Variants in KIAA1217 observed in about 807,000 individuals in gnomAD.
KIAA1217 encodes sickle tail protein homolog.
KIAA1217 carries 88 observed loss-of-function variants against 163.9 expected under a neutral mutation model. The observed-to-expected ratio is 0.54, with a 90% CI of 0.45 to 0.64. KIAA1217 has a LOEUF of 0.64. Ranked by LOEUF, KIAA1217 falls within the 30% of genes least tolerant of loss-of-function variation. KIAA1217 has a pLI of 0.00. For missense variants in KIAA1217, 2,372 were observed against 2,475.0 expected, an observed-to-expected ratio of 0.96 and a Z score of 0.88; for synonymous variants, 903 against 923.1, an observed-to-expected ratio of 0.98 and a Z score of 0.39.
At chr10:23,814,874 T>C (rs1478786676) in intron 1 of KIAA1217, among the ~76,000 whole-genome samples, 2 of 152,098 alleles carry the variant, frequency 1.3e-5, no homozygotes, top group African/African-American at 4.8e-5. Flanking sequence ...GGATGAAGTG[T>C]GAAAGATCCA....
intron 2 of KIAA1217, among the ~76,000 whole-genome samples, chr10:24,270,159 G>A (rs1350036806): frequency 1.3e-5 from 2 of 152,204 alleles, no homozygotes; most frequent in African/African-American, 4.8e-5. Context: ...TTTCAAAACA[G>A]AATAATTGAT....
chr10:24,499,310 T>C (rs577644325), intron 8 of KIAA1217, among the ~76,000 whole-genome samples: 49 of 152,368 alleles, frequency 3.2e-4, no homozygotes, highest in Non-Finnish European at 5.7e-4. Context: ...AGTTGGAGAA[T>C]ATCCTTTTGA....
At chr10:24,039,742 A>G (rs971151171) in intron 2 of KIAA1217, among the ~76,000 whole-genome samples, 7 of 152,166 alleles carry the variant, frequency 4.6e-5, no homozygotes, top group African/African-American at 1.7e-4. Flanking sequence ...GAATATATAT[A>G]CATATTTATA....
At chr10:24,203,105 G>C (rs1269219328) in intron 2 of KIAA1217, among the ~76,000 whole-genome samples, 3 of 151,100 alleles carry the variant, frequency 2.0e-5, no homozygotes, top group African/African-American at 2.4e-5. Context: ...GTAGAGGATT[G>C]ATTGAGCCCA....
chr10:23,995,896 T>G (rs945306716), intron 1 of KIAA1217, among the ~76,000 whole-genome samples: 3 of 152,158 alleles, frequency 2.0e-5, no homozygotes, highest in Non-Finnish European at 4.4e-5. Flanking sequence ...TGGTCCCCAG[T>G]CTATTCTTGA....
intron 1 of KIAA1217, among the ~76,000 whole-genome samples, chr10:23,790,494 TAC>T (rs1181963599): frequency 9.1e-6 from 1 of 109,794 alleles, no homozygotes; most frequent in African/African-American, 4.4e-5. Context: ...TATACATATA[TAC>T]ATGTGCATAT....
chr10:23,861,507 G>A (rs1436992812), intron 1 of KIAA1217, among the ~76,000 whole-genome samples: 2 of 152,068 alleles, frequency 1.3e-5, no homozygotes, highest in African/African-American at 2.4e-5. Flanking sequence ...TAAAATGGAG[G>A]GATTATCCTG....
chr10:24,366,593 G>T (rs564657698), intron 2 of KIAA1217, among the ~76,000 whole-genome samples: 1 of 152,334 alleles, frequency 6.6e-6, no homozygotes, highest in East Asian at 1.9e-4. Flanking sequence ...GAATTACAGT[G>T]TGGATCTTCT....
chr10:24,267,498 A>C (rs2076346742), intron 2 of KIAA1217, among the ~76,000 whole-genome samples: 1 of 152,196 alleles, frequency 6.6e-6, no homozygotes, highest in Admixed American at 6.5e-5. Context: ...ATATCTGTAG[A>C]GATGGGATCT....
chr10:24,172,299 C>T (rs2065668211), intron 2 of KIAA1217, among the ~76,000 whole-genome samples: 1 of 152,150 alleles, frequency 6.6e-6, no homozygotes, highest in Non-Finnish European at 1.5e-5. Context: ...AACCATTTTC[C>T]TATGACCACT....
intron 1 of KIAA1217, among the ~76,000 whole-genome samples, chr10:23,964,279 C>T (rs566151624): frequency 2.0e-5 from 3 of 149,444 alleles, no homozygotes; most frequent in South Asian, 4.2e-4. Context: ...CTTTTGCCCA[C>T]TTTTTGATGG....
chr10:23,898,537 A>G (rs1168223833), intron 1 of KIAA1217, among the ~76,000 whole-genome samples: 1 of 152,030 alleles, frequency 6.6e-6, no homozygotes, highest in Non-Finnish European at 1.5e-5. Flanking sequence ...AAAAAATGTC[A>G]TTATACTTTG....
At chr10:24,239,475 TA>T (rs2072750216) in intron 2 of KIAA1217, 1 of 184,890 alleles carries the variant, frequency 5.4e-6, no homozygotes, top group South Asian at 1.8e-4. Context: ...ATGTTCGTGC[TA>T]AAGGGCTGTT....
intron 10 of KIAA1217, among the ~76,000 whole-genome samples, chr10:24,519,477 C>A (rs2070746766): frequency 6.6e-6 from 1 of 152,068 alleles, no homozygotes; most frequent in Non-Finnish European, 1.5e-5. Flanking sequence ...CAGAGGTTCT[C>A]ATTTAGGGGC....
intron 2 of KIAA1217, among the ~76,000 whole-genome samples, chr10:24,025,460 G>T (rs189142289): frequency 6.6e-6 from 1 of 151,418 alleles, no homozygotes; most frequent in Non-Finnish European, 1.5e-5. Flanking sequence ...TTCCACTTTC[G>T]TTCTTTCTTT....
chr10:24,072,327 C>A (rs1234826368), intron 2 of KIAA1217, among the ~76,000 whole-genome samples: 1 of 152,156 alleles, frequency 6.6e-6, no homozygotes. Context: ...CCACACCCAT[C>A]TATTCTATTT....
At chr10:24,446,860 A>G (rs2060976030) in intron 5 of KIAA1217, among the ~76,000 whole-genome samples, 1 of 152,214 alleles carries the variant, frequency 6.6e-6, no homozygotes, top group Non-Finnish European at 1.5e-5. Flanking sequence ...ACCCAGCTAA[A>G]GAGAAGTGGA....
rs2075231104 is a variant in KIAA1217, at chr10:24,542,443, C to G, written c.3535-250C>G. 3 of 1,199,424 alleles carry G rather than the reference C, an allele frequency of 2.5e-6. No homozygotes were observed. The African/African-American group carries it at 4.6e-5, about 18-fold the overall frequency. 74.3% of individuals were successfully genotyped at this position (1,199,424 alleles called of 1,614,324 possible). ...GTCCCTTTATTTTCTTCACCACTCC[C>G]CTACAAAATTTTAAATTCTTGAAAT... is the stretch of plus-strand genomic sequence containing the variant. On this transcript the variant is annotated intron_variant, in intron 17 of 20. Transcript: ENST00000376454.
chr10:23,915,027 G>A (rs747553699), intron 1 of KIAA1217, among the ~76,000 whole-genome samples: 6 of 151,648 alleles, frequency 4.0e-5, no homozygotes, highest in South Asian at 2.1e-4. Context: ...TTATAGACCC[G>A]ACCTGTGACA....
Sources: allele counts gnomAD v4.1 joint callset (sites outside exome capture counted in the v4.1 genomes callset), GRCh38; gene constraint gnomAD v4.1.1; transcripts MANE v1.5; gene names NCBI Gene and HGNC (gene_info 2026-07-23, HGNC 2026-07-21).